Variants in USP34 observed in about 807,000 individuals in gnomAD.
The protein encoded by USP34 is ubiquitin specific peptidase 34, also known as ubiquitin carboxyl-terminal hydrolase 34.
USP34 carries 70 observed loss-of-function variants against 460.3 expected under a neutral mutation model. That is an observed-to-expected ratio of 0.15 (90% CI 0.13 to 0.19). The LOEUF (loss-of-function observed/expected upper bound fraction) is 0.19. USP34 is among the 10% of genes least tolerant of loss of function. The probability of loss-of-function intolerance (pLI) is 1.00; values close to 1 mark genes in which losing one functional copy is unlikely to be tolerated. For synonymous variants in USP34, 1,647 were observed against 1,405.3 expected (o/e 1.17, Z -3.85); for missense variants, 3,985 against 4,236.2 (o/e 0.94, Z 1.65).
rs372461803 is a variant in USP34 at position 61,188,522 on chromosome 2, A to G, written c.10221T>C (p.Pro3407=). 118 of 1,614,100 alleles carry G rather than the reference A, an allele frequency of 7.3e-5. No individual in the cohort carries two copies. Among genetic ancestry groups the G allele is most frequent in the Non-Finnish European group, 9.2e-5 (108 of 1,180,044 alleles). The change falls in exon 80 of 80, where the codon CCT becomes CCC. Residue 3407 remains proline, a synonymous_variant. Transcript: ENST00000398571. ...GGTATTCTTTAACAGAACTATTTTCAGGGGAAGGAAGATCTTGCTCAGTTC... is the reference window on the plus strand; with the variant it reads ...GGTATTCTTTAACAGAACTATTTTCGGGGGAAGGAAGATCTTGCTCAGTTC... ...DPGTEQDLPS[P]ENSSVKEYRM...
chr2:61,188,213 G>T lies in USP34; in HGVS notation c.10530C>A (p.Leu3510=), dbSNP rs371587110. 2.2e-5 allele frequency: 36 copies of T among 1,613,998 alleles called. No individual in the cohort carries two copies. The highest frequency in any genetic ancestry group is 2.9e-5 in the Non-Finnish European group (34 of 1,180,050). Residue 3510 remains leucine (L), a synonymous_variant, in exon 80 of 80, where the codon CTC becomes CTA. Coordinates refer to ENST00000398571, the MANE Select transcript of USP34 (RefSeq NM_014709.4). Reference sequence around the variant, plus strand: ...TGTCATGTTGCTGCATATGACTAAAGAGTCCTCTGGAATGGCCACAACTGA... The same window carrying T: ...TGTCATGTTGCTGCATATGACTAAATAGTCCTCTGGAATGGCCACAACTGA... ...LSLSCGHSRG[L]FSHMQQHDIL...
At chr2:61,437,508 T>A (rs980889718) in intron 1 of USP34, among the ~76,000 whole-genome samples, 2 of 152,146 alleles carry the variant, frequency 1.3e-5, no homozygotes, top group Non-Finnish European at 2.9e-5. Flanking sequence ...GCACGGTGGC[T>A]CATGCCTGTA....
chr2:61,452,305 A>G (rs1464471030), intron 1 of USP34, among the ~76,000 whole-genome samples: 6 of 149,158 alleles, frequency 4.0e-5, no homozygotes, highest in Admixed American at 2.0e-4. Context: ...GCTCGTGCCT[A>G]TAATTCCCGG....
intron 75 of USP34, among the ~76,000 whole-genome samples, chr2:61,198,189 CT>C (rs1314307579): frequency 8.3e-4 from 127 of 152,260 alleles, no homozygotes; most frequent in African/African-American, 2.9e-3. Context: ...TAATTTCATC[CT>C]TATAGAGTAA....
chr2:61,336,119 T>C (rs909608858), intron 18 of USP34, among the ~76,000 whole-genome samples: 5 of 150,098 alleles, frequency 3.3e-5, no homozygotes, highest in South Asian at 4.2e-4. Context: ...GCAAAACAAA[T>C]TGTGTGTGTG....
intron 20 of USP34, among the ~76,000 whole-genome samples, chr2:61,329,916 C>A (rs557303166): frequency 1.3e-5 from 2 of 152,192 alleles, no homozygotes; most frequent in African/African-American, 4.8e-5. Context: ...GGCTTCCCAA[C>A]AGTACCATAC....
At chr2:61,466,137 G>T (rs1029716920) in intron 1 of USP34, among the ~76,000 whole-genome samples, 8 of 151,756 alleles carry the variant, frequency 5.3e-5, no homozygotes, top group African/African-American at 1.7e-4. Flanking sequence ...AATAATATAT[G>T]ATACAAGCCG....
At chr2:61,376,018 T>C (rs1207059775) in intron 8 of USP34, among the ~76,000 whole-genome samples, 1 of 151,916 alleles carries the variant, frequency 6.6e-6, no homozygotes, top group African/African-American at 2.4e-5. Context: ...AATGGGTAAA[T>C]CTACAGAGAC....
chr2:61,241,699 AT>A, intron 52 of USP34, 44 bp from the exon 53 acceptor site: 1 of 1,534,896 alleles, frequency 6.5e-7, no homozygotes, highest in Non-Finnish European at 8.8e-7. Flanking sequence ...TTGACAAAGT[AT>A]TACTCTAAAA....
chr2:61,262,996 C>G (rs1688938972), intron 43 of USP34, among the ~76,000 whole-genome samples: 1 of 151,646 alleles, frequency 6.6e-6, no homozygotes, highest in South Asian at 2.1e-4. Context: ...TGAAAAGTGT[C>G]TGTTCATGTC....
At chr2:61,233,058 C>G (rs1248502644) in intron 57 of USP34, among the ~76,000 whole-genome samples, 1 of 151,922 alleles carries the variant, frequency 6.6e-6, no homozygotes. Context: ...TGGGGTTTCA[C>G]TATGTTGGCC....
intron 1 of USP34, among the ~76,000 whole-genome samples, chr2:61,434,845 G>C (rs1187011677): frequency 6.6e-6 from 1 of 151,826 alleles, no homozygotes; most frequent in Admixed American, 6.6e-5. Context: ...ATCTTCAAAG[G>C]CAAACAGTAT....
chr2:61,337,447 T>C (rs1273786589), intron 18 of USP34, among the ~76,000 whole-genome samples: 2 of 151,974 alleles, frequency 1.3e-5, no homozygotes, highest in East Asian at 3.9e-4. Context: ...CGTAGTTATG[T>C]TATGTTATTT....
chr2:61,194,071 C>T, intron 75 of USP34: 1 of 977,592 alleles, frequency 1.0e-6, no homozygotes, highest in Non-Finnish European at 1.2e-6. Context: ...CAAAAACAGG[C>T]AGCATGTGGG....
intron 1 of USP34, among the ~76,000 whole-genome samples, chr2:61,467,072 G>A (rs1159547666): frequency 6.6e-6 from 1 of 152,018 alleles, no homozygotes; most frequent in Non-Finnish European, 1.5e-5. Flanking sequence ...TTGGGAGACG[G>A]AAGCGGGTAG....
At chr2:61,282,282 A>G (rs1198225740) in intron 37 of USP34, among the ~76,000 whole-genome samples, 1 of 152,158 alleles carries the variant, frequency 6.6e-6, no homozygotes, top group Non-Finnish European at 1.5e-5. Flanking sequence ...GCCCAGCCAG[A>G]GCTAATATTA....
At chr2:61,381,293 CCTAG>C (rs1260269934) in intron 6 of USP34, among the ~76,000 whole-genome samples, 2 of 151,288 alleles carry the variant, frequency 1.3e-5, no homozygotes, top group East Asian at 3.9e-4. Context: ...CACAAAACTA[CCTAG>C]CTAACCAGAG....
At chr2:61,417,298 T>G in intron 2 of USP34, 1 of 769,768 alleles carries the variant, frequency 1.3e-6, no homozygotes, top group Non-Finnish European at 2.2e-6. Context: ...CCGCATACAC[T>G]ACCAAGGAAG....
intron 1 of USP34, among the ~76,000 whole-genome samples, chr2:61,469,284 CTT>C (rs1290150105): frequency 6.6e-6 from 1 of 152,166 alleles, no homozygotes; most frequent in Non-Finnish European, 1.5e-5. Flanking sequence ...AAACGATTAA[CTT>C]TCCAAGTTGA....
Sources: allele counts gnomAD v4.1 joint callset (sites outside exome capture counted in the v4.1 genomes callset), GRCh38; gene constraint gnomAD v4.1.1; transcripts MANE v1.5; gene names NCBI Gene and HGNC (gene_info 2026-07-23, HGNC 2026-07-21).